RAP1GAP2: variants seen among roughly 807,000 people sequenced by gnomAD.
The protein encoded by RAP1GAP2 is RAP1 GTPase activating protein 2, also known as rap1 GTPase-activating protein 2.
A neutral mutation model predicts 95.0 loss-of-function variants in RAP1GAP2; 27 were observed. The ratio of observed to expected loss-of-function variants is 0.28; its 90% CI spans 0.21 to 0.39. The LOEUF (loss-of-function observed/expected upper bound fraction) is 0.39. RAP1GAP2 is among the 10% of genes least tolerant of loss of function. The probability of loss-of-function intolerance (pLI) is 1.00; values close to 1 mark genes in which losing one functional copy is unlikely to be tolerated. For missense variants in RAP1GAP2, 771 were observed against 970.0 expected (o/e 0.79, Z 2.72); for synonymous variants, 373 against 380.9 (o/e 0.98, Z 0.24).
intron 3 of RAP1GAP2, among the ~76,000 whole-genome samples, chr17:2,946,150 G>A (rs1469694302): frequency 6.6e-6 from 1 of 152,128 alleles, no homozygotes; most frequent in Non-Finnish European, 1.5e-5. Context: ...ATTCCACTTG[G>A]TCATGGAATA....
rs1039123241 is a variant in RAP1GAP2 at position 3,017,925 on chromosome 17, G to A, written c.1495-136G>A. 9.2e-6 allele frequency: 7 copies of A among 756,876 alleles called. No homozygotes were observed. In the African/African-American group the frequency reaches 1.1e-4, roughly 12 times the overall value. The allele number at this position is 756,876 out of a possible 1,614,324, so 46.9% of individuals were successfully genotyped here. A position where few individuals can be genotyped will look rare whatever the true frequency, so the allele number is the denominator to read the frequency against. On this transcript the variant is annotated intron_variant, in intron 17 of 24. Transcript: ENST00000254695. ...TATGGGCCTCTGTGACCGTGTGTGTGTGTGTGTGTGTGTGTGTGTGTGTAT... is the reference window on the plus strand; with the variant it reads ...TATGGGCCTCTGTGACCGTGTGTGTATGTGTGTGTGTGTGTGTGTGTGTAT...
rs1567668262 is a variant in RAP1GAP2 at position 2,810,025 on chromosome 17, TCC to T, written c.80+9480_80+9481del. 1.5e-4 allele frequency among the ~76,000 whole-genome samples: 9 copies of T among 59,522 alleles called. 1 individual carries two copies. The highest frequency in any genetic ancestry group is 1.4e-3 in the Admixed American group (8 of 5,880). The allele number at this position is 59,522 out of a possible 152,430, so 39.0% of individuals were successfully genotyped here. On this transcript the variant is annotated intron_variant, in intron 2 of 24. Transcript: ENST00000254695. ...TCTGGCTTGTGCTGGGACCCTCCCCTCCCCCCGCCCCACCCCAGGAGTTCCTT... is the reference window on the plus strand; with the variant it reads ...TCTGGCTTGTGCTGGGACCCTCCCCTCCCCGCCCCACCCCAGGAGTTCCTT...
At chr17:2,763,676 A>G (rs2151758255) in intron 1 of RAP1GAP2, among the ~76,000 whole-genome samples, 1 of 152,054 alleles carries the variant, frequency 6.6e-6, no homozygotes, top group South Asian at 2.1e-4. Flanking sequence ...AGCCTGGGTG[A>G]CACAGAGAGA....
intron 1 of RAP1GAP2, among the ~76,000 whole-genome samples, chr17:2,785,899 C>CTTTTT (rs386385450): frequency 2.9e-4 from 35 of 119,922 alleles, no homozygotes; most frequent in African/African-American, 1.0e-3. Flanking sequence ...AAAAGTATGA[C>CTTTTT]TTTTTTTTTT....
chr17:2,980,150 A>T (rs1483817290), intron 8 of RAP1GAP2, 137 bp from the exon 9 acceptor site: 2 of 699,920 alleles, frequency 2.9e-6, no homozygotes, highest in Non-Finnish European at 5.0e-6. Context: ...ACCATGTTGG[A>T]CAGGCTGGTC....
intron 17 of RAP1GAP2, among the ~76,000 whole-genome samples, chr17:3,011,607 A>T (rs1173660690): frequency 7.0e-6 from 1 of 143,570 alleles, no homozygotes; most frequent in Non-Finnish European, 1.5e-5. Flanking sequence ...CTTCCTGTCA[A>T]AGTTTTTTTT....
At position 2,769,232 on chromosome 17, in the gene RAP1GAP2, T is replaced by TAAAAAAAAAAAAA. The variant is rs58436827; in HGVS notation, c.51-1069_51-1057dup. 9.3e-5 allele frequency among the ~76,000 whole-genome samples: 4 copies of TAAAAAAAAAAAAA among 42,872 alleles called. 1 individual carries two copies. The highest frequency in any genetic ancestry group is 1.6e-4 in the Non-Finnish European group (4 of 24,556). The allele number at this position is 42,872 out of a possible 152,430, so 28.1% of individuals were successfully genotyped here. ...GGATGAGAAAGTGAAACCATTTCTC[T>TAAAAAAAAAAAAA]AAAAAAAAAAAAAAAAAAAAAAAAA... On this transcript the variant is annotated intron_variant, in intron 1 of 25. Coordinates refer to the RAP1GAP2 transcript ENST00000637138.
chr17:2,935,935 AAATG>A (rs1459354036), intron 3 of RAP1GAP2, among the ~76,000 whole-genome samples: 1 of 152,084 alleles, frequency 6.6e-6, no homozygotes, highest in East Asian at 1.9e-4. Flanking sequence ...GGTATTTTAT[AAATG>A]AATGATCACT....
chr17:2,790,917 C>A (rs566159586), intron 1 of RAP1GAP2, among the ~76,000 whole-genome samples: 1 of 152,192 alleles, frequency 6.6e-6, no homozygotes, highest in Non-Finnish European at 1.5e-5. Flanking sequence ...CCGTAGAGGC[C>A]GGGCGCTGCG....
chr17:2,959,725 G>A (rs1005419355), intron 4 of RAP1GAP2, among the ~76,000 whole-genome samples: 21 of 152,196 alleles, frequency 1.4e-4, no homozygotes, highest in Admixed American at 9.2e-4. Context: ...TTCAGTCCTG[G>A]GTTCAGGTTC....
At chr17:2,840,017 C>A (rs1240572715) in intron 2 of RAP1GAP2, among the ~76,000 whole-genome samples, 1 of 151,978 alleles carries the variant, frequency 6.6e-6, no homozygotes, top group Non-Finnish European at 1.5e-5. Context: ...AGGCTGGTCT[C>A]AAACTCCCAA....
At chr17:2,900,283 A>G (rs1222210591) in intron 2 of RAP1GAP2, among the ~76,000 whole-genome samples, 1 of 152,178 alleles carries the variant, frequency 6.6e-6, no homozygotes, top group Non-Finnish European at 1.5e-5. Context: ...GATGCCAGAA[A>G]TGTTTTCCAA....
intron 1 of RAP1GAP2, among the ~76,000 whole-genome samples, chr17:2,789,781 GAAAAAA>G (rs35791780): frequency 2.8e-5 from 2 of 71,996 alleles, no homozygotes; most frequent in African/African-American, 6.1e-5. Flanking sequence ...GACTCCATCT[GAAAAAA>G]AAAAAAAAAA....
At chr17:2,832,358 A>G (rs933835421) in intron 2 of RAP1GAP2, among the ~76,000 whole-genome samples, 18 of 150,946 alleles carry the variant, frequency 1.2e-4, no homozygotes, top group African/African-American at 4.4e-4. Flanking sequence ...GGAGATCGAG[A>G]TCATCCTGGC....
At chr17:2,889,315 A>G (rs1411426803) in intron 2 of RAP1GAP2, among the ~76,000 whole-genome samples, 1 of 152,146 alleles carries the variant, frequency 6.6e-6, no homozygotes, top group Non-Finnish European at 1.5e-5. Context: ...CTTGGGGTCT[A>G]TGAGCTCCCC....
At chr17:2,950,670 G>A (rs1011085725) in intron 3 of RAP1GAP2, among the ~76,000 whole-genome samples, 2 of 146,224 alleles carry the variant, frequency 1.4e-5, no homozygotes, top group Admixed American at 1.4e-4. Flanking sequence ...AAGGGCAATG[G>A]TGTGATCTCA....
chr17:2,968,803 A>G (rs183370833), intron 8 of RAP1GAP2, among the ~76,000 whole-genome samples: 3 of 152,278 alleles, frequency 2.0e-5, no homozygotes, highest in Admixed American at 2.0e-4. Context: ...TTATTAAAGA[A>G]AGTAACTCAG....
In RAP1GAP2 at chr17:2,833,518, G is replaced by A. The variant is rs541404388; in HGVS notation, c.80+32968G>A. On this transcript the variant is annotated intron_variant, in intron 2 of 24. Transcript: ENST00000254695. The stretch of plus-strand genomic sequence containing the variant: ...ATCTTGGCTAACACGGTGAAACCCC[G>A]TTTCTACTAAAAATACAAAAAATGA... 3.3e-5 allele frequency among the ~76,000 whole-genome samples: 5 copies of A among 151,650 alleles called. No homozygotes were observed. The East Asian group carries it at 7.8e-4, about 24-fold the overall frequency.
At position 3,008,892 on chromosome 17, in the gene RAP1GAP2, T is replaced by TGGGGG. The variant is rs2046419562; in HGVS notation, c.1494+751_1494+752insGGGGG. Among the ~76,000 whole-genome samples the TGGGGG allele has an allele frequency of 6.6e-6, 1 of 152,142 alleles. No individual in the cohort carries two copies. The highest frequency in any genetic ancestry group is 6.5e-5 in the Admixed American group (1 of 15,268). On this transcript the variant is annotated intron_variant, in intron 17 of 24. Coordinates refer to ENST00000254695, the MANE Select transcript of RAP1GAP2 (RefSeq NM_015085.5). The surrounding 1 kb of genome is among the most constrained non-coding windows in gnomAD (Gnocchi z 4.2). ...GTCTTGTTATATTCACGAACACACG[T>TGGGGG]GGGGACAGGATGAGAGACGCCACAG...
Sources: gnomAD v4.1 joint callset for allele counts (sites outside exome capture counted in the v4.1 genomes callset) on GRCh38, gnomAD v4.1.1 for gene constraint, Gnocchi (gnomAD v3.1) non-coding constraint, MANE v1.5 for transcripts, NCBI Gene and HGNC (gene_info 2026-07-23, HGNC 2026-07-21) for gene names.